AASS: variants seen among roughly 807,000 people sequenced by gnomAD.
AASS encodes alpha-aminoadipic semialdehyde synthase, mitochondrial.
A neutral mutation model predicts 105.4 loss-of-function variants in AASS; 86 were observed. The ratio of observed to expected loss-of-function variants is 0.82; its 90% CI spans 0.69 to 0.98. The LOEUF (loss-of-function observed/expected upper bound fraction) is 0.98, where lower values mean the gene tolerates loss of function less well. Ranked by LOEUF, AASS falls within the 50% of genes least tolerant of loss-of-function variation. AASS has a pLI of 0.00. For synonymous variants in AASS, 381 were observed against 394.8 expected (o/e 0.96, Z 0.41); for missense variants, 1,048 against 1,143.2 (o/e 0.92, Z 1.20).
intron 18 of AASS, 83 bp from the exon 19 acceptor site, chr7:122,086,262 G>A: frequency 1.5e-6 from 2 of 1,355,968 alleles, no homozygotes; most frequent in South Asian, 1.3e-5. Context: ...AACAAAGAAA[G>A]CAACAGAAAT....
At chr7:122,134,372 T>C (rs866320729) in intron 1 of AASS, among the ~76,000 whole-genome samples, 7 of 152,166 alleles carry the variant, frequency 4.6e-5, no homozygotes, top group Admixed American at 6.5e-5. Context: ...TGATCATATT[T>C]ATTTATTTAT....
intron 15 of AASS, 60 bp downstream of exon 15, chr7:122,098,390 G>GA: frequency 6.3e-7 from 1 of 1,597,472 alleles, no homozygotes; most frequent in South Asian, 1.1e-5. Flanking sequence ...GAAAGAGAAA[G>GA]AAAAATGAGA....
intron 11 of AASS, among the ~76,000 whole-genome samples, chr7:122,110,887 A>G (rs752413863): frequency 1.6e-4 from 25 of 152,228 alleles, no homozygotes; most frequent in Non-Finnish European, 2.9e-4. Flanking sequence ...TTAACATACA[A>G]CCAAGTTGGA....
At chr7:122,139,612 C>G (rs12538079) in intron 1 of AASS, among the ~76,000 whole-genome samples, 33,905 of 151,976 alleles carry the variant, frequency 0.22, 4,016 homozygotes, top group African/African-American at 0.31. Context: ...TTAAATGTAA[C>G]TCGATCAAGA....
intron 11 of AASS, among the ~76,000 whole-genome samples, chr7:122,107,552 G>A (rs185491856): frequency 5.9e-5 from 9 of 152,222 alleles, no homozygotes; most frequent in African/African-American, 2.2e-4. Context: ...GGTACACCAT[G>A]GAATACTATG....
In AASS at chr7:122,133,691, C is replaced by A; in HGVS notation, c.36G>T (p.Leu12=). ...GAAGACCCTTGGAGAGGCTGACCCC[C>A]AGCCTGCCCAGTCCAGTCCTATGTA... The part of the protein sequence containing the change: ...LQVHRTGLGR[L]GVSLSKGLHH... The change falls in exon 2 of 24, where the codon CTG becomes CTT. Residue 12 remains leucine (L), a synonymous_variant. Transcript: ENST00000417368. The A allele has an allele frequency of 6.2e-7, 1 of 1,614,154 alleles. No individual in the cohort carries two copies. Among genetic ancestry groups the A allele is most frequent in the African/African-American group, 1.3e-5 (1 of 75,022 alleles).
intron 1 of AASS, among the ~76,000 whole-genome samples, chr7:122,139,063 A>G (rs1224896554): frequency 6.6e-6 from 1 of 152,220 alleles, no homozygotes; most frequent in Non-Finnish European, 1.5e-5. Context: ...TCAGAGTGTG[A>G]GCAAAGTGGT....
At chr7:122,135,001 A>G (rs1796078748) in intron 1 of AASS, among the ~76,000 whole-genome samples, 1 of 152,174 alleles carries the variant, frequency 6.6e-6, no homozygotes, top group South Asian at 2.1e-4. Flanking sequence ...GGAAACCATC[A>G]TTCTGAGCAA....
intron 11 of AASS, 129 bp from the exon 12 acceptor site, chr7:122,101,809 G>A (rs536677656): frequency 2.1e-5 from 15 of 723,496 alleles, no homozygotes; most frequent in Admixed American, 1.8e-4. Flanking sequence ...GAGGATCACC[G>A]AGTATAAGTG....
chr7:122,084,665 T>C (rs1310886076), intron 19 of AASS, among the ~76,000 whole-genome samples: 1 of 151,750 alleles, frequency 6.6e-6, no homozygotes, highest in East Asian at 1.9e-4. Flanking sequence ...AGGAGGATGA[T>C]ACAAATACCT....
Position 122,079,709 on chromosome 7 carries a change from G to A in AASS, c.2284C>T (p.Gln762Ter). The change falls in exon 21 of 24, where the codon CAA (glutamine) becomes TAA (stop). Residue 762 changes from glutamine to a stop codon, truncating the protein, a stop_gained. Transcript: ENST00000417368. LOFTEE classifies it high-confidence loss of function. ...RPEANPLTWK[Q>*]LLCDLVGISP... Reference sequence around the variant, plus strand: ...ATCCCAACTAGGTCACAGAGGAGTTGTTTCTGGTTAGAAAAAGAAATACAA... The same window carrying A: ...ATCCCAACTAGGTCACAGAGGAGTTATTTCTGGTTAGAAAAAGAAATACAA... 1 of 1,609,142 alleles carries A rather than the reference G, an allele frequency of 6.2e-7. No homozygotes were observed. Among genetic ancestry groups the A allele is most frequent in the Non-Finnish European group, 8.5e-7 (1 of 1,175,686 alleles).
intron 2 of AASS, among the ~76,000 whole-genome samples, chr7:122,130,427 G>A (rs1002137206): frequency 2.0e-5 from 3 of 151,854 alleles, no homozygotes; most frequent in Non-Finnish European, 4.4e-5. Context: ...AGACTTATTG[G>A]GTAATAAGTA....
At chr7:122,085,839 TTTTTA>T (rs1401862028) in intron 19 of AASS, among the ~76,000 whole-genome samples, 168 bp downstream of exon 19, 1 of 152,132 alleles carries the variant, frequency 6.6e-6, no homozygotes, top group Non-Finnish European at 1.5e-5. Flanking sequence ...ATTAATTATC[TTTTTA>T]TTTTGAGGTG....
In AASS at chr7:122,133,558, C is replaced by T. The variant is rs1397002928; in HGVS notation, c.169G>A (p.Val57Ile). ...CGCCGATTCGAAGGCTGTATCAAGA[C>T]CTTGTATCCCAGATTGGTGATGCCT... ...IKGITNLGYK[V>I]LIQPSNRRAI... The change falls in exon 2 of 24, where the codon GTC becomes ATC. Residue 57 changes from valine (V) to isoleucine (I), a missense_variant. Physicochemically the swap from Val to Ile is conservative, Grantham distance 29. Transcript: ENST00000417368. 1 of 1,614,168 alleles carries T rather than the reference C, an allele frequency of 6.2e-7. No individual in the cohort carries two copies. The highest frequency in any genetic ancestry group is 8.5e-7 in the Non-Finnish European group (1 of 1,180,028).
intron 4 of AASS, among the ~76,000 whole-genome samples, chr7:122,126,032 T>A (rs1051920245): frequency 6.6e-6 from 1 of 152,124 alleles, no homozygotes; most frequent in Non-Finnish European, 1.5e-5. Flanking sequence ...CCCCTGGACC[T>A]TTTTTCCCTT....
At chr7:122,091,341 T>C (rs12669983) in intron 18 of AASS, among the ~76,000 whole-genome samples, 5,489 of 152,268 alleles carry the variant, frequency 0.036, 246 homozygotes, top group African/African-American at 0.11. Flanking sequence ...AATTTCATTC[T>C]CTGTGACAGT....
chr7:122,087,893 C>T (rs1212128648), intron 18 of AASS, among the ~76,000 whole-genome samples: 1 of 152,024 alleles, frequency 6.6e-6, no homozygotes, highest in East Asian at 1.9e-4. Flanking sequence ...TCATGAAATC[C>T]TTACAAAGAA....
At chr7:122,128,478 ACCT>A (rs769999781) in intron 3 of AASS, among the ~76,000 whole-genome samples, 45 of 151,854 alleles carry the variant, frequency 3.0e-4, no homozygotes, top group Non-Finnish European at 5.6e-4. Context: ...TAGCATCATC[ACCT>A]CCCAGTGCCC....
At chr7:122,092,370 C>T (rs975067807) in intron 17 of AASS, among the ~76,000 whole-genome samples, 7 of 151,998 alleles carry the variant, frequency 4.6e-5, no homozygotes, top group African/African-American at 1.7e-4. Context: ...TTGTATTAAG[C>T]CAAAATTTTA....
Sources: allele counts gnomAD v4.1 joint callset (sites outside exome capture counted in the v4.1 genomes callset), GRCh38; gene constraint gnomAD v4.1.1; transcripts MANE v1.5; gene names NCBI Gene and HGNC (gene_info 2026-07-23, HGNC 2026-07-21).